DCC: variants seen among roughly 807,000 people sequenced by gnomAD.
The protein encoded by DCC is DCC netrin 1 receptor.
A neutral mutation model predicts 172.5 loss-of-function variants in DCC; 58 were observed. The observed-to-expected ratio is 0.34, with a 90% CI of 0.27 to 0.42. The LOEUF is 0.42. Among genes scored for constraint, DCC ranks in the 10% least tolerant of loss-of-function variants. DCC has a pLI of 1.00. For synonymous variants in DCC, 709 were observed against 644.5 expected (o/e 1.10, Z -1.52); for missense variants, 1,740 against 1,791.0 (o/e 0.97, Z 0.51).
chr18:53,385,389 G>A (rs894550164), intron 15 of DCC, among the ~76,000 whole-genome samples: 1 of 152,130 alleles, frequency 6.6e-6, no homozygotes, highest in Non-Finnish European at 1.5e-5. Flanking sequence ...TGCCAGCTCT[G>A]GATACAGACT....
intron 2 of DCC, among the ~76,000 whole-genome samples, chr18:52,885,009 G>A (rs945601791): frequency 1.3e-5 from 2 of 152,106 alleles, no homozygotes; most frequent in Non-Finnish European, 2.9e-5. Flanking sequence ...TGTCTCAAAC[G>A]AAATTTCTCT....
At chr18:52,462,562 C>CACTTTCTTTGTG (rs1410864298) in intron 1 of DCC, among the ~76,000 whole-genome samples, 1 of 152,238 alleles carries the variant, frequency 6.6e-6, no homozygotes, top group African/African-American at 2.4e-5. Context: ...GCTCAACTGT[C>CACTTTCTTTGTG]ACTTTCTTTG....
intron 12 of DCC, among the ~76,000 whole-genome samples, chr18:53,263,757 A>ATACCC (rs1351472761): frequency 6.6e-6 from 1 of 152,012 alleles, no homozygotes; most frequent in East Asian, 1.9e-4. Flanking sequence ...CTGGAATTAG[A>ATACCC]TACCCTGTTA....
At chr18:52,960,459 A>G (rs879468099) in intron 5 of DCC, among the ~76,000 whole-genome samples, 1 of 152,034 alleles carries the variant, frequency 6.6e-6, no homozygotes, top group Non-Finnish European at 1.5e-5. Context: ...TTACTAATTG[A>G]CATACTTTCT....
intron 7 of DCC, among the ~76,000 whole-genome samples, chr18:53,075,527 A>G (rs7236084): frequency 6.6e-6 from 1 of 150,852 alleles, no homozygotes; most frequent in Admixed American, 6.6e-5. Context: ...TGGTAAATAT[A>G]CCAGAGTGTT....
At chr18:53,033,083 C>T (rs2042046616) in intron 5 of DCC, among the ~76,000 whole-genome samples, 1 of 152,082 alleles carries the variant, frequency 6.6e-6, no homozygotes, top group South Asian at 2.1e-4. Context: ...TGACTGAAGA[C>T]TCCTAAACAG....
At chr18:52,614,443 G>A (rs1416049654) in intron 1 of DCC, among the ~76,000 whole-genome samples, 1 of 152,064 alleles carries the variant, frequency 6.6e-6, no homozygotes. Flanking sequence ...CTTTTTAGTT[G>A]CACCTAAAAA....
chr18:52,846,215 A>C (rs956872835), intron 2 of DCC, among the ~76,000 whole-genome samples: 5 of 152,176 alleles, frequency 3.3e-5, no homozygotes, highest in African/African-American at 1.2e-4. Flanking sequence ...TATGAAAGGG[A>C]AAGAGTTTAA....
intron 1 of DCC, among the ~76,000 whole-genome samples, chr18:52,588,702 G>C (rs1360925034): frequency 6.6e-6 from 1 of 151,668 alleles, no homozygotes; most frequent in Non-Finnish European, 1.5e-5. Flanking sequence ...CCCATAAAGA[G>C]GGAGCAGACA....
chr18:53,039,911 G>A (rs942465728), intron 5 of DCC, among the ~76,000 whole-genome samples: 1 of 151,848 alleles, frequency 6.6e-6, no homozygotes, highest in Non-Finnish European at 1.5e-5. Flanking sequence ...ATTCCTTGAG[G>A]GCATATCTAT....
chr18:53,256,277 A>G (rs2056512283), intron 12 of DCC, among the ~76,000 whole-genome samples: 1 of 152,158 alleles, frequency 6.6e-6, no homozygotes, highest in African/African-American at 2.4e-5. Flanking sequence ...TTTAGACATG[A>G]AGTCCTTGCC....
chr18:52,924,629 T>C (rs1051902812), intron 4 of DCC, among the ~76,000 whole-genome samples: 2 of 152,094 alleles, frequency 1.3e-5, no homozygotes, highest in African/African-American at 4.8e-5. Context: ...TTCTCCTTTT[T>C]AACATATTTA....
intron 9 of DCC, among the ~76,000 whole-genome samples, chr18:53,186,136 T>G (rs766349022): frequency 8.5e-5 from 13 of 152,198 alleles, no homozygotes; most frequent in Non-Finnish European, 1.9e-4. Context: ...TCAGGCTTCT[T>G]CAGTTGGTAT....
chr18:52,471,996 G>A (rs1320789733), intron 1 of DCC, among the ~76,000 whole-genome samples: 1 of 152,150 alleles, frequency 6.6e-6, no homozygotes, highest in Non-Finnish European at 1.5e-5. Context: ...GGGAGGAAGG[G>A]ATCTTCTTGA....
intron 5 of DCC, among the ~76,000 whole-genome samples, chr18:52,971,155 T>G (rs143113696): frequency 0.014 from 2,168 of 152,266 alleles, 64 homozygotes; most frequent in African/African-American, 0.05. Context: ...AGCTTTTTCC[T>G]TGGCCTTTTC....
intron 1 of DCC, among the ~76,000 whole-genome samples, chr18:52,470,024 C>T (rs1056907919): frequency 4.6e-5 from 7 of 152,216 alleles, no homozygotes; most frequent in Non-Finnish European, 7.3e-5. Flanking sequence ...AGAGAGAAAA[C>T]ACATGGGATT....
Position 52,837,051 on chromosome 18 carries a change from C to T in DCC, c.413-68993C>T, listed in dbSNP as rs114051332. ...GGCTTGGGGCTTGCATATTCTGATG[C>T]CATGGCCCAAGCTGTACCGTAGCCC... On this transcript the variant is annotated intron_variant, in intron 2 of 28. Transcript: ENST00000442544. 3.3e-3 allele frequency among the ~76,000 whole-genome samples: 510 copies of T among 152,306 alleles called. 3 individuals are homozygous for T. The highest frequency in any genetic ancestry group is 0.011 in the African/African-American group (472 of 41,572).
chr18:53,336,981 C>A (rs1443627855), intron 14 of DCC, among the ~76,000 whole-genome samples: 1 of 152,122 alleles, frequency 6.6e-6, no homozygotes, highest in Non-Finnish European at 1.5e-5. Context: ...TTGAGGCTTG[C>A]CTCTAGGATT....
chr18:53,168,962 AT>A (rs2054968637), intron 8 of DCC, among the ~76,000 whole-genome samples: 1 of 152,172 alleles, frequency 6.6e-6, no homozygotes, highest in Non-Finnish European at 1.5e-5. Flanking sequence ...ATCTTTGTCA[AT>A]AGATGATAGC....
Sources: allele counts gnomAD v4.1 joint callset (sites outside exome capture counted in the v4.1 genomes callset), GRCh38; gene constraint gnomAD v4.1.1; transcripts MANE v1.5; gene names NCBI Gene and HGNC (gene_info 2026-07-23, HGNC 2026-07-21).